ZNF536: variants seen among roughly 807,000 people sequenced by gnomAD.
The protein encoded by ZNF536 is zinc finger protein 536.
A neutral mutation model predicts 84.5 loss-of-function variants in ZNF536; 13 were observed. The observed-to-expected ratio is 0.15, with a 90% CI of 0.10 to 0.24. The LOEUF (loss-of-function observed/expected upper bound fraction) is 0.24. Among genes scored for constraint, ZNF536 ranks in the 10% least tolerant of loss-of-function variants. ZNF536 has a pLI of 1.00. For missense variants in ZNF536, 1,536 were observed against 1,747.5 expected, an observed-to-expected ratio of 0.88 and a Z score of 2.16; for synonymous variants, 811 against 742.5, an observed-to-expected ratio of 1.09 and a Z score of -1.50.
chr19:30,324,056 G>A (rs541369067), intron 2 of ZNF536, among the ~76,000 whole-genome samples: 18 of 149,852 alleles, frequency 1.2e-4, no homozygotes, highest in Admixed American at 7.3e-4. Context: ...ATCTATCCAT[G>A]TATCTACTTA....
At chr19:30,438,070 G>T (rs867356468) in intron 1 of ZNF536, among the ~76,000 whole-genome samples, 1 of 152,094 alleles carries the variant, frequency 6.6e-6, no homozygotes, top group African/African-American at 2.4e-5. Context: ...ATCATGGCCT[G>T]CCCTCTGCTG....
At chr19:30,425,391 G>A (rs73924737) in intron 1 of ZNF536, among the ~76,000 whole-genome samples, 12,555 of 152,128 alleles carry the variant, frequency 0.083, 1,237 homozygotes, top group African/African-American at 0.23. Context: ...TCCAGTGATT[G>A]AAAATTTAAC....
intron 1 of ZNF536, among the ~76,000 whole-genome samples, chr19:30,426,592 G>A (rs888229307): frequency 1.3e-5 from 2 of 152,186 alleles, no homozygotes; most frequent in African/African-American, 4.8e-5. Context: ...TCACATCCCC[G>A]AGGGTGGCAG....
chr19:30,562,611 T>C (rs1050252478), downstream of ZNF536, among the ~76,000 whole-genome samples: 1 of 152,142 alleles, frequency 6.6e-6, no homozygotes, highest in African/African-American at 2.4e-5. Context: ...TTTATGATGA[T>C]CAGGTTATCT....
At chr19:30,678,606 A>C (rs1205354902) in intron 1 of ZNF536, among the ~76,000 whole-genome samples, 1 of 152,196 alleles carries the variant, frequency 6.6e-6, no homozygotes, top group African/African-American at 2.4e-5. Flanking sequence ...ATTGCTCTTG[A>C]AACTGCAGAT....
At chr19:30,441,216 G>T (rs2052031776) in intron 1 of ZNF536, among the ~76,000 whole-genome samples, 1 of 152,238 alleles carries the variant, frequency 6.6e-6, no homozygotes, top group African/African-American at 2.4e-5. Context: ...GGCCAACTGG[G>T]CAGCCTTTGG....
intron 1 of ZNF536, among the ~76,000 whole-genome samples, chr19:30,696,863 G>T (rs560916206): frequency 6.6e-6 from 1 of 152,262 alleles, no homozygotes; most frequent in South Asian, 2.1e-4. Flanking sequence ...CTCAACTTGG[G>T]CCTCAAGCTG....
intron 2 of ZNF536, among the ~76,000 whole-genome samples, chr19:30,317,067 G>A (rs975693880): frequency 1.3e-5 from 2 of 152,098 alleles, no homozygotes; most frequent in Admixed American, 1.3e-4. Flanking sequence ...TATTCTTAAG[G>A]TGCCCAAAGC....
intron 1 of ZNF536, among the ~76,000 whole-genome samples, chr19:30,628,236 C>T (rs373155484): frequency 6.6e-6 from 1 of 152,192 alleles, no homozygotes; most frequent in African/African-American, 2.4e-5. Context: ...AGCCTGGGAC[C>T]AGAGGGTCTG....
At chr19:30,619,557 G>C (rs994508915) in intron 1 of ZNF536, among the ~76,000 whole-genome samples, 4 of 152,216 alleles carry the variant, frequency 2.6e-5, no homozygotes, top group African/African-American at 9.6e-5. Flanking sequence ...AGAAAGAGGA[G>C]ACTTTTTCAG....
chr19:30,255,147 G>A (rs1385942831), intron 1 of ZNF536, among the ~76,000 whole-genome samples: 1 of 152,156 alleles, frequency 6.6e-6, no homozygotes, highest in African/African-American at 2.4e-5. Context: ...CAATGATAGT[G>A]TCTCTGGATC....
intron 1 of ZNF536, among the ~76,000 whole-genome samples, chr19:30,379,573 G>A (rs2048943396): frequency 6.6e-6 from 1 of 151,190 alleles, no homozygotes; most frequent in Admixed American, 6.6e-5. Flanking sequence ...GTGAAGGGTG[G>A]AGAGGATCAT....
intron 1 of ZNF536, among the ~76,000 whole-genome samples, chr19:30,688,931 AGCCTCCAGGGACCTG>A: frequency 1.3e-5 from 2 of 152,204 alleles, no homozygotes; most frequent in East Asian, 3.8e-4. Context: ...GGGTGGTCTG[AGCCTCCAGGGACCTG>A]GCCTCCCCTG....
chr19:30,652,600 A>G (rs2147469567), intron 1 of ZNF536, among the ~76,000 whole-genome samples: 1 of 152,234 alleles, frequency 6.6e-6, no homozygotes, highest in South Asian at 2.1e-4. Context: ...GTGCTTTTCT[A>G]AGGAGTGAAT....
At chr19:30,346,784 TA>T (rs1277114139) in intron 2 of ZNF536, among the ~76,000 whole-genome samples, 1 of 152,394 alleles carries the variant, frequency 6.6e-6, no homozygotes, top group East Asian at 1.9e-4. Context: ...TTTGCTATTG[TA>T]AATAATGCTG....
At chr19:30,573,617 G>C (rs566738267) in intron 1 of ZNF536, among the ~76,000 whole-genome samples, 5 of 152,126 alleles carry the variant, frequency 3.3e-5, no homozygotes, top group Non-Finnish European at 5.9e-5. Context: ...TTGTCCTCAC[G>C]GACCAAGACT....
intron 1 of ZNF536, among the ~76,000 whole-genome samples, chr19:30,381,320 T>C (rs1215698144): frequency 6.6e-6 from 1 of 152,096 alleles, no homozygotes; most frequent in African/African-American, 2.4e-5. Context: ...TTGTTTAAGT[T>C]ATGGGGAGGG....
intron 2 of ZNF536, among the ~76,000 whole-genome samples, chr19:30,496,888 G>A (rs997030926): frequency 1.3e-5 from 2 of 152,168 alleles, no homozygotes; most frequent in African/African-American, 2.4e-5. Context: ...TCTGTGTAAC[G>A]TGGTGCTGGC....
intron 1 of ZNF536, among the ~76,000 whole-genome samples, chr19:30,653,648 C>A (rs2049794643): frequency 6.6e-6 from 1 of 151,890 alleles, no homozygotes; most frequent in African/African-American, 2.4e-5. Flanking sequence ...AGGTGGGAGC[C>A]ACTCCCTTAG....
Sources: gnomAD v4.1 joint callset for allele counts (sites outside exome capture counted in the v4.1 genomes callset) on GRCh38, gnomAD v4.1.1 for gene constraint, MANE v1.5 for transcripts, NCBI Gene and HGNC (gene_info 2026-07-23, HGNC 2026-07-21) for gene names.